Variants in SNRPD3 observed in about 807,000 individuals in gnomAD.
SNRPD3 encodes the protein small nuclear ribonucleoprotein Sm D3.
For missense variants in SNRPD3, 73 were observed against 167.5 expected, an observed-to-expected ratio of 0.44 and a Z score of 3.11; for synonymous variants, 66 against 58.4, an observed-to-expected ratio of 1.13 and a Z score of -0.59.
chr22:24,562,909 GTTC>G (rs1182619351), intron 2 of SNRPD3, among the ~76,000 whole-genome samples: 3 of 152,176 alleles, frequency 2.0e-5, no homozygotes, highest in Non-Finnish European at 4.4e-5. Context: ...AATGCATAGT[GTTC>G]TTAAGTTAAA....
chr22:24,568,120 A>G lies in SNRPD3; in HGVS notation c.263A>G (p.Asn88Ser), dbSNP rs1413635562. The G allele has an allele frequency of 6.2e-7, 1 of 1,614,126 alleles. No individual in the cohort carries two copies. The change falls in exon 3 of 4, where the codon AAT becomes AGT. Residue 88 changes from asparagine (N) to serine (S), a missense_variant. Asn to Ser is a conservative substitution (Grantham distance 46). Transcript: ENST00000215829. ...KNAPMLKSMK[N>S]KNQGSGAGRG... ...GCACCCATGTTAAAGAGCATGAAAA[A>G]TAAAAACCAAGGCTCAGGGGCTGGC...
At chr22:24,561,586 T>C (rs2045144011) in intron 2 of SNRPD3, among the ~76,000 whole-genome samples, 1 of 152,236 alleles carries the variant, frequency 6.6e-6, no homozygotes, top group Non-Finnish European at 1.5e-5. Context: ...CAGTTTAGTT[T>C]GTTCAGCACA....
intron 3 of SNRPD3, 108 bp downstream of exon 3, chr22:24,568,284 C>G: frequency 1.4e-6 from 1 of 729,342 alleles, no homozygotes; most frequent in Non-Finnish European, 2.3e-6. Flanking sequence ...TCTGCTCTCT[C>G]CACACCCACC....
At chr22:24,555,718 C>T, upstream of SNRPD3, 1 of 1,550,684 alleles carries the variant, frequency 6.4e-7, no homozygotes, top group Admixed American at 2.0e-5. Context: ...CGCGTCTCCG[C>T]CTTGCCGTCC....
In SNRPD3 at chr22:24,574,011, TA is replaced by T. The variant is rs2045269484; in HGVS notation, c.*2036del. ...TTTAAACAATTCCCTGGTCCCCAGA[TA>T]AGTAATTCTTAAGTATTCTATCTTA... On this transcript the variant is annotated 3_prime_UTR_variant, in exon 4 of 4. Transcript: ENST00000215829. Among the ~76,000 whole-genome samples, 1 of 152,240 alleles carries T rather than the reference TA, an allele frequency of 6.6e-6. No homozygotes were observed. The highest frequency in any genetic ancestry group is 1.5e-5 in the Non-Finnish European group (1 of 68,036).
chr22:24,557,877 G>A (rs1369869295), intron 2 of SNRPD3, 77 bp downstream of exon 2: 9 of 1,435,744 alleles, frequency 6.3e-6, no homozygotes, highest in Non-Finnish European at 7.5e-6. Flanking sequence ...TGTGTTGAGG[G>A]TCTCTGGAAA....
intron 1 of SNRPD3, among the ~76,000 whole-genome samples, chr22:24,556,605 T>C (rs1025573843): frequency 6.6e-6 from 1 of 152,258 alleles, no homozygotes; most frequent in Admixed American, 6.5e-5. Context: ...CAGTTTTAAC[T>C]GTTGCAGAAG....
At chr22:24,571,422 C>T (rs1417785852) in intron 3 of SNRPD3, among the ~76,000 whole-genome samples, 2 of 152,090 alleles carry the variant, frequency 1.3e-5, no homozygotes, top group Non-Finnish European at 2.9e-5. Context: ...CCTGCCCCTC[C>T]GTCTCCATCC....
rs767178265 is a variant in SNRPD3, at chr22:24,557,692, G to T, written c.18G>T (p.Pro6=). The change falls in exon 2 of 4, where the codon CCG becomes CCT. Residue 6 remains proline (P), a synonymous_variant. Transcript: ENST00000215829. ...CTGCCAAGATGTCTATTGGTGTGCCGATTAAAGTACTGCATGAGGCCGAGG... is the reference window on the plus strand; with the variant it reads ...CTGCCAAGATGTCTATTGGTGTGCCTATTAAAGTACTGCATGAGGCCGAGG... The part of the protein sequence containing the change: MSIGV[P]IKVLHEAEGH... The T allele has an allele frequency of 1.9e-6, 3 of 1,612,348 alleles. No homozygotes were observed. The highest frequency in any genetic ancestry group is 1.7e-5 in the Admixed American group (1 of 59,836).
intron 3 of SNRPD3, among the ~76,000 whole-genome samples, chr22:24,571,284 T>C (rs2045247624): frequency 1.3e-5 from 2 of 152,232 alleles, no homozygotes; most frequent in African/African-American, 4.8e-5. Context: ...AGGATTTGTC[T>C]TTTCTGTAGC....
chr22:24,565,795 G>A (rs1221363715), intron 2 of SNRPD3, among the ~76,000 whole-genome samples: 1 of 152,064 alleles, frequency 6.6e-6, no homozygotes, highest in Non-Finnish European at 1.5e-5. Flanking sequence ...CGAGTAGGTG[G>A]GACTACAGGC....
At chr22:24,568,559 A>T (rs957747168) in intron 3 of SNRPD3, among the ~76,000 whole-genome samples, 2 of 141,438 alleles carry the variant, frequency 1.4e-5, no homozygotes, top group East Asian at 2.0e-4. Context: ...AATTTTTTTT[A>T]ATTTTTTTAT....
intron 2 of SNRPD3, among the ~76,000 whole-genome samples, chr22:24,566,431 C>T (rs2045197335): frequency 6.6e-6 from 1 of 152,070 alleles, no homozygotes; most frequent in Non-Finnish European, 1.5e-5. Context: ...CCACCACACC[C>T]AGCTAATTTT....
At chr22:24,563,266 G>GTGTATA (rs2045164390) in intron 2 of SNRPD3, among the ~76,000 whole-genome samples, 6 of 135,784 alleles carry the variant, frequency 4.4e-5, no homozygotes, top group Admixed American at 1.5e-4. Context: ...ATGTATATAT[G>GTGTATA]TATGTATATA....
chr22:24,570,461 G>T (rs2045238979), intron 3 of SNRPD3, among the ~76,000 whole-genome samples: 1 of 152,302 alleles, frequency 6.6e-6, no homozygotes, highest in African/African-American at 2.4e-5. Context: ...GAGGTGGGCA[G>T]ATCACGAGGT....
intron 2 of SNRPD3, among the ~76,000 whole-genome samples, chr22:24,566,224 A>G (rs1203901256): frequency 2.0e-5 from 3 of 152,162 alleles, no homozygotes; most frequent in Admixed American, 2.0e-4. Flanking sequence ...TCTAGAAACC[A>G]TTCCTCTAGA....
chr22:24,568,231 G>C, intron 3 of SNRPD3, 55 bp downstream of exon 3: 1 of 1,417,768 alleles, frequency 7.1e-7, no homozygotes, highest in Non-Finnish European at 9.7e-7. Flanking sequence ...GTGTCTTGTA[G>C]AAAGGGGCCC....
At chr22:24,558,113 G>A (rs1232207262) in intron 2 of SNRPD3, 1 of 192,314 alleles carries the variant, frequency 5.2e-6, no homozygotes, top group Non-Finnish European at 1.1e-5. Flanking sequence ...TCAGATTCAG[G>A]GCCATTATCC....
At chr22:24,571,894 C>T (rs951748585) in intron 3 of SNRPD3, 22 bp from the exon 4 acceptor site, 9 of 1,613,842 alleles carry the variant, frequency 5.6e-6, no homozygotes, top group East Asian at 2.2e-5. Context: ...GACCTGGCCT[C>T]ATATTTTCTC....
Sources: allele counts gnomAD v4.1 joint callset (sites outside exome capture counted in the v4.1 genomes callset), GRCh38; gene constraint gnomAD v4.1.1; transcripts MANE v1.5; gene names NCBI Gene and HGNC (gene_info 2026-07-23, HGNC 2026-07-21).